PTPRD: variants seen among roughly 807,000 people sequenced by gnomAD.
The protein encoded by PTPRD is receptor-type tyrosine-protein phosphatase delta.
Under a neutral mutation model 214.5 loss-of-function variants are expected in PTPRD, and 34 were observed. The ratio of observed to expected loss-of-function variants is 0.16; its 90% confidence interval spans 0.12 to 0.21. The LOEUF (loss-of-function observed/expected upper bound fraction) is 0.21. Ranked by LOEUF, PTPRD falls within the 10% of genes least tolerant of loss-of-function variation. The pLI is 1.00. For missense variants in PTPRD, 2,545 were observed against 2,398.7 expected (o/e 1.06, Z -1.27); for synonymous variants, 1,128 against 845.7 (o/e 1.33, Z -5.79).
intron 12 of PTPRD, among the ~76,000 whole-genome samples, chr9:8,709,526 AAAAAAGAAAAAG>A (rs1005312749): frequency 1.1e-4 from 17 of 150,706 alleles, no homozygotes; most frequent in African/African-American, 2.7e-4. Flanking sequence ...AAAAAAAAAA[AAAAAAGAAAAAG>A]AAAAAGAAAA....
In PTPRD at chr9:9,355,066, A is replaced by G. The variant is rs2053217096; in HGVS notation, c.-203+42383T>C. Among the ~76,000 whole-genome samples, 3 of 151,726 alleles carry G rather than the reference A, an allele frequency of 2.0e-5. No homozygotes were observed. In the South Asian group the frequency reaches 6.2e-4, roughly 32 times the overall value. On this transcript the variant is annotated intron_variant, in intron 9 of 45. Coordinates refer to ENST00000381196, the MANE Select transcript of PTPRD (RefSeq NM_002839.4). ...GTAACAAGTATGACTTAAGTTTTAG[A>G]AAGACCACTCTTGCAGCTTTATTAA...
intron 3 of PTPRD, among the ~76,000 whole-genome samples, chr9:10,237,254 AAT>A (rs1401917561): frequency 6.6e-6 from 1 of 151,916 alleles, no homozygotes; most frequent in Non-Finnish European, 1.5e-5. Flanking sequence ...AAAAGAAAAA[AAT>A]AGTCTCAAAA....
intron 5 of PTPRD, among the ~76,000 whole-genome samples, chr9:9,808,935 T>C (rs1470803668): frequency 2.2e-5 from 3 of 135,594 alleles, no homozygotes; most frequent in African/African-American, 9.3e-5. Context: ...AATGCCTGGC[T>C]AATTTTTATT....
At chr9:9,372,166 C>G (rs1213512585) in intron 9 of PTPRD, among the ~76,000 whole-genome samples, 6 of 151,920 alleles carry the variant, frequency 3.9e-5, no homozygotes, top group Non-Finnish European at 7.4e-5. Context: ...CCTGGGTATC[C>G]TTGTTAACTT....
intron 7 of PTPRD, among the ~76,000 whole-genome samples, chr9:9,617,476 G>A (rs1449071045): frequency 6.6e-6 from 1 of 152,154 alleles, no homozygotes; most frequent in East Asian, 1.9e-4. Context: ...GATAATCCTG[G>A]ACACAGATTG....
intron 2 of PTPRD, among the ~76,000 whole-genome samples, chr9:10,366,848 T>TTTAC (rs2154474671): frequency 6.6e-6 from 1 of 152,234 alleles, no homozygotes; most frequent in South Asian, 2.1e-4. Flanking sequence ...GTGAAAACAT[T>TTTAC]TTACTTGAAA....
At chr9:9,346,503 C>T (rs1303542432) in intron 9 of PTPRD, among the ~76,000 whole-genome samples, 2 of 152,056 alleles carry the variant, frequency 1.3e-5, no homozygotes, top group Admixed American at 6.6e-5. Flanking sequence ...ATGAGTGATG[C>T]TTATTTCCAA....
At chr9:10,019,200 A>T (rs1212528508) in intron 4 of PTPRD, among the ~76,000 whole-genome samples, 1 of 152,194 alleles carries the variant, frequency 6.6e-6, no homozygotes, top group East Asian at 1.9e-4. Context: ...TGGCCATCAG[A>T]GAAATGCAAA....
chr9:9,141,041 A>AATCCTGTAAAT (rs1344200525), intron 10 of PTPRD, among the ~76,000 whole-genome samples: 1 of 151,876 alleles, frequency 6.6e-6, no homozygotes, highest in Non-Finnish European at 1.5e-5. Context: ...TTGGTGTTTA[A>AATCCTGTAAAT]ATCCTGTAAA....
chr9:9,721,559 T>C (rs531801526), intron 7 of PTPRD, among the ~76,000 whole-genome samples: 4 of 152,280 alleles, frequency 2.6e-5, no homozygotes, highest in South Asian at 2.1e-4. Context: ...GACAAGTTGA[T>C]AGGAAAAGCC....
At chr9:9,841,983 G>T (rs1299891270) in intron 5 of PTPRD, among the ~76,000 whole-genome samples, 1 of 151,954 alleles carries the variant, frequency 6.6e-6, no homozygotes, top group Non-Finnish European at 1.5e-5. Context: ...GGACAAGGAA[G>T]TAGGATAAAT....
chr9:10,566,139 C>A (rs1307545322), intron 2 of PTPRD, among the ~76,000 whole-genome samples: 1 of 151,932 alleles, frequency 6.6e-6, no homozygotes, highest in African/African-American at 2.4e-5. Context: ...CTCAGGTACT[C>A]ATCACATTAA....
chr9:9,191,102 G>A (rs959534622), intron 9 of PTPRD, among the ~76,000 whole-genome samples: 9 of 152,114 alleles, frequency 5.9e-5, no homozygotes, highest in African/African-American at 4.8e-5. Flanking sequence ...GCAAGTTGCC[G>A]ATTAGATTAT....
intron 2 of PTPRD, among the ~76,000 whole-genome samples, chr9:10,416,257 C>T (rs2098486523): frequency 6.6e-6 from 1 of 151,776 alleles, no homozygotes; most frequent in African/African-American, 2.4e-5. Context: ...ACTCAGGAGG[C>T]TGAGGCAGGA....
intron 2 of PTPRD, among the ~76,000 whole-genome samples, chr9:10,466,823 C>A (rs189240750): frequency 2.6e-5 from 4 of 152,044 alleles, no homozygotes; most frequent in Non-Finnish European, 5.9e-5. Context: ...GCAAAACCTG[C>A]ATAGCAATTC....
At chr9:10,074,641 C>G (rs2098100579) in intron 3 of PTPRD, among the ~76,000 whole-genome samples, 1 of 152,110 alleles carries the variant, frequency 6.6e-6, no homozygotes. Flanking sequence ...CAGTTAATGT[C>G]ACCAGTTTTT....
chr9:10,585,462 A>C (rs1465769019), intron 2 of PTPRD, among the ~76,000 whole-genome samples: 1 of 152,084 alleles, frequency 6.6e-6, no homozygotes, highest in Non-Finnish European at 1.5e-5. Context: ...CAGAAAAAAA[A>C]AATCACGTTT....
chr9:8,590,044 C>T (rs975932895), intron 14 of PTPRD, among the ~76,000 whole-genome samples: 2 of 151,918 alleles, frequency 1.3e-5, no homozygotes, highest in East Asian at 1.9e-4. Flanking sequence ...GCAATGTTCA[C>T]GAGGTTCCAA....
intron 2 of PTPRD, among the ~76,000 whole-genome samples, chr9:10,346,481 A>T (rs1462140487): frequency 1.3e-5 from 2 of 152,222 alleles, no homozygotes; most frequent in African/African-American, 4.8e-5. Flanking sequence ...TAATTTAATA[A>T]TTTAATATCA....
Sources: allele counts gnomAD v4.1 joint callset (sites outside exome capture counted in the v4.1 genomes callset), GRCh38; gene constraint gnomAD v4.1.1; transcripts MANE v1.5; gene names NCBI Gene and HGNC (gene_info 2026-07-23, HGNC 2026-07-21).